The following PPM1E variants were observed in gnomAD, a reference collection of about 807,000 sequenced individuals.
The protein encoded by PPM1E is protein phosphatase 1E.
Under a neutral mutation model 65.9 loss-of-function variants are expected in PPM1E, and 20 were observed. That is an observed-to-expected ratio of 0.30 (90% confidence interval 0.21 to 0.44). The LOEUF is 0.44. PPM1E is among the 20% of genes least tolerant of loss of function. The pLI is 1.00. For missense variants in PPM1E, 713 were observed against 953.1 expected, an observed-to-expected ratio of 0.75 and a Z score of 3.32; for synonymous variants, 352 against 374.9, an observed-to-expected ratio of 0.94 and a Z score of 0.70.
chr17:58,810,435 G>C (rs1294845200), intron 1 of PPM1E, among the ~76,000 whole-genome samples: 5 of 152,120 alleles, frequency 3.3e-5, no homozygotes, highest in African/African-American at 1.2e-4. Flanking sequence ...TCAATCTCCT[G>C]ACCTTGTGAT....
chr17:58,840,759 T>G (rs1260678012), intron 1 of PPM1E, among the ~76,000 whole-genome samples: 1 of 152,202 alleles, frequency 6.6e-6, no homozygotes, highest in African/African-American at 2.4e-5. Flanking sequence ...TATTATAACC[T>G]AAAGTATAAC....
chr17:58,963,586 G>A (rs1314294568), intron 2 of PPM1E, among the ~76,000 whole-genome samples: 1 of 151,894 alleles, frequency 6.6e-6, no homozygotes, highest in African/African-American at 2.4e-5. Flanking sequence ...GCAGGCGCCT[G>A]TAGTCCCAGC....
At chr17:58,766,513 T>C (rs2049880394) in intron 1 of PPM1E, among the ~76,000 whole-genome samples, 1 of 152,030 alleles carries the variant, frequency 6.6e-6, no homozygotes, top group African/African-American at 2.4e-5. Context: ...AATTTCTTAG[T>C]CACATTTTTC....
chr17:58,828,856 C>G (rs569286551), intron 1 of PPM1E, among the ~76,000 whole-genome samples: 1 of 152,186 alleles, frequency 6.6e-6, no homozygotes, highest in African/African-American at 2.4e-5. Flanking sequence ...GACAGTAACT[C>G]TTTGTTTTTT....
intron 1 of PPM1E, among the ~76,000 whole-genome samples, chr17:58,869,444 C>T (rs918431204): frequency 6.6e-6 from 1 of 152,118 alleles, no homozygotes; most frequent in Non-Finnish European, 1.5e-5. Flanking sequence ...AGTTCTCATT[C>T]TATTGGTTCC....
intron 1 of PPM1E, among the ~76,000 whole-genome samples, chr17:58,766,927 A>C (rs998252330): frequency 1.3e-5 from 2 of 152,172 alleles, no homozygotes; most frequent in African/African-American, 4.8e-5. Flanking sequence ...GAGAAACAAA[A>C]ATATTTTCAG....
chr17:58,874,046 G>A (rs766324283), intron 1 of PPM1E, among the ~76,000 whole-genome samples: 1 of 152,108 alleles, frequency 6.6e-6, no homozygotes, highest in Non-Finnish European at 1.5e-5. Flanking sequence ...ACTCAAAAAC[G>A]AGTAGGCAAG....
At chr17:58,924,365 TTGTC>T (rs1433890696) in intron 1 of PPM1E, among the ~76,000 whole-genome samples, 1 of 152,110 alleles carries the variant, frequency 6.6e-6, no homozygotes, top group Non-Finnish European at 1.5e-5. Context: ...AATTATTTAT[TTGTC>T]TGAGTGCTGT....
intron 1 of PPM1E, among the ~76,000 whole-genome samples, chr17:58,843,474 C>T (rs886299587): frequency 2.0e-5 from 3 of 151,626 alleles, no homozygotes; most frequent in Non-Finnish European, 1.5e-5. Flanking sequence ...GAGCGGAGAT[C>T]GCGCCACTTA....
At chr17:58,812,164 T>G (rs1374339762) in intron 1 of PPM1E, among the ~76,000 whole-genome samples, 1 of 151,016 alleles carries the variant, frequency 6.6e-6, no homozygotes, top group African/African-American at 2.4e-5. Flanking sequence ...ATTAGCCAGG[T>G]GTGGTGGCAG....
At chr17:58,873,983 A>T (rs1396276288) in intron 1 of PPM1E, among the ~76,000 whole-genome samples, 2 of 152,132 alleles carry the variant, frequency 1.3e-5, no homozygotes, top group Non-Finnish European at 2.9e-5. Flanking sequence ...GAATTCATTT[A>T]TTGAAATCTT....
chr17:58,893,499 G>C (rs2051373765), intron 1 of PPM1E, among the ~76,000 whole-genome samples: 1 of 152,136 alleles, frequency 6.6e-6, no homozygotes, highest in Non-Finnish European at 1.5e-5. Context: ...GGGCATTGAA[G>C]CTATTCTGTA....
chr17:58,919,411 G>A (rs1053514182), intron 1 of PPM1E, among the ~76,000 whole-genome samples: 6 of 152,140 alleles, frequency 3.9e-5, no homozygotes, highest in African/African-American at 7.2e-5. Context: ...TTTTGGCACC[G>A]TGGTTTTAAG....
At chr17:58,801,046 C>A (rs1223898113) in intron 1 of PPM1E, among the ~76,000 whole-genome samples, 1 of 151,830 alleles carries the variant, frequency 6.6e-6, no homozygotes, top group Non-Finnish European at 1.5e-5. Flanking sequence ...TATTTTGATT[C>A]TTTTATTTTT....
intron 1 of PPM1E, among the ~76,000 whole-genome samples, chr17:58,773,088 A>G (rs1015302838): frequency 3.3e-5 from 5 of 151,938 alleles, no homozygotes; most frequent in Non-Finnish European, 5.9e-5. Context: ...CTATGCTTAA[A>G]TCCTATTTAC....
chr17:58,942,841 AAAAAAAGATTTGAGTATCTT>A (rs1201103802), intron 1 of PPM1E, among the ~76,000 whole-genome samples: 1 of 152,082 alleles, frequency 6.6e-6, no homozygotes, highest in Non-Finnish European at 1.5e-5. Context: ...AAAAAAGAAA[AAAAAAAGATTTGAGTATCTT>A]AAAAAGATAC....
intron 1 of PPM1E, among the ~76,000 whole-genome samples, chr17:58,773,792 G>T (rs2049964087): frequency 6.6e-6 from 1 of 152,094 alleles, no homozygotes; most frequent in African/African-American, 2.4e-5. Flanking sequence ...TTGTTAAAAT[G>T]CAAATTCCTG....
At position 58,948,557 on chromosome 17, in the gene PPM1E, C is replaced by T. The variant is rs9909953; in HGVS notation, c.465-7092C>T. ...GATCATTTGTGTACCAGTAGTTACACTGATAAGGCAATGAAAAAGAAAATG... is the reference window on the plus strand; with the variant it reads ...GATCATTTGTGTACCAGTAGTTACATTGATAAGGCAATGAAAAAGAAAATG... On this transcript the variant is annotated intron_variant, in intron 1 of 6. Transcript: ENST00000308249. 9.9e-4 allele frequency among the ~76,000 whole-genome samples: 150 copies of T among 152,238 alleles called. 1 individual carries two copies. Among genetic ancestry groups the T allele is most frequent in the African/African-American group, 3.3e-3 (139 of 41,540 alleles).
At chr17:58,885,556 AATT>A (rs2051255573) in intron 1 of PPM1E, among the ~76,000 whole-genome samples, 1 of 152,132 alleles carries the variant, frequency 6.6e-6, no homozygotes, top group Non-Finnish European at 1.5e-5. Context: ...GGATGGACAT[AATT>A]ATTATTATGA....
Sources: gnomAD v4.1 joint callset for allele counts (sites outside exome capture counted in the v4.1 genomes callset) on GRCh38, gnomAD v4.1.1 for gene constraint, MANE v1.5 for transcripts, NCBI Gene and HGNC (gene_info 2026-07-23, HGNC 2026-07-21) for gene names.